CALD1: variants seen among roughly 807,000 people sequenced by gnomAD.
The protein encoded by CALD1 is caldesmon.
A neutral mutation model predicts 99.9 loss-of-function variants in CALD1; 33 were observed. The ratio of observed to expected loss-of-function variants is 0.33; its 90% CI spans 0.25 to 0.44. CALD1 has a LOEUF of 0.44. CALD1 is among the 20% of genes least tolerant of loss of function. CALD1 has a pLI of 1.00. For synonymous variants in CALD1, 310 were observed against 325.0 expected, an observed-to-expected ratio of 0.95 and a Z score of 0.50; for missense variants, 861 against 962.1, an observed-to-expected ratio of 0.89 and a Z score of 1.39.
intron 3 of CALD1, among the ~76,000 whole-genome samples, chr7:134,897,715 A>G (rs2132566403): frequency 6.6e-6 from 1 of 151,676 alleles, no homozygotes; most frequent in East Asian, 1.9e-4. Context: ...AATCTAACTA[A>G]TTTTGTTTTT....
chr7:134,881,006 T>C (rs147363612), intron 3 of CALD1, among the ~76,000 whole-genome samples: 8 of 152,274 alleles, frequency 5.3e-5, no homozygotes, highest in African/African-American at 1.9e-4. Context: ...TGATGTCTCA[T>C]TGTGGCATTG....
chr7:134,941,156 G>T lies in CALD1; in HGVS notation c.1451G>T (p.Arg484Leu), dbSNP rs200617975. The T allele has an allele frequency of 2.0e-4, 330 of 1,612,660 alleles. No individual in the cohort carries two copies. In the East Asian group the frequency reaches 7.0e-3, roughly 34 times the overall value. ...GAAGAAGTTAAGAGCTTCATGGATC[G>T]AAAGAAGGGATTTACAGAAGTTAAG... ...PKEEVKSFMD[R>L]KKGFTEVKSQ... Residue 484 changes from arginine to leucine, a missense_variant, in exon 7 of 15, where the codon CGA becomes CTA. By Grantham distance (102) the Arg-to-Leu change is moderately radical. Coordinates refer to ENST00000361675, the MANE Select transcript of CALD1 (RefSeq NM_033138.4).
chr7:134,771,317 C>T (rs993722417), intron 1 of CALD1, among the ~76,000 whole-genome samples: 1 of 152,172 alleles, frequency 6.6e-6, no homozygotes, highest in African/African-American at 2.4e-5. Flanking sequence ...TGAAATATGT[C>T]TAATATGATT....
At chr7:134,758,705 T>G (rs1231239901) in intron 1 of CALD1, among the ~76,000 whole-genome samples, 1 of 151,746 alleles carries the variant, frequency 6.6e-6, no homozygotes, top group Non-Finnish European at 1.5e-5. Context: ...TTAAGTAACA[T>G]TTACTTATTA....
At chr7:134,780,209 A>G (rs2131668568) in intron 1 of CALD1, among the ~76,000 whole-genome samples, 1 of 152,320 alleles carries the variant, frequency 6.6e-6, no homozygotes, top group African/African-American at 2.4e-5. Flanking sequence ...GCCAAAAGGG[A>G]ATGATTTTTT....
chr7:134,919,754 C>A (rs139508889), intron 3 of CALD1, among the ~76,000 whole-genome samples: 1 of 152,162 alleles, frequency 6.6e-6, no homozygotes, highest in Non-Finnish European at 1.5e-5. Flanking sequence ...AACACTGATA[C>A]AGCAATGAAC....
chr7:134,875,157 C>T (rs1351865571), intron 3 of CALD1, among the ~76,000 whole-genome samples: 1 of 152,184 alleles, frequency 6.6e-6, no homozygotes, highest in Non-Finnish European at 1.5e-5. Flanking sequence ...ACTGATCACT[C>T]CAGGGGACAA....
At chr7:134,929,621 C>CACACACATATACACACACACGT in intron 4 of CALD1, among the ~76,000 whole-genome samples, 235 of 4,264 alleles carry the variant, frequency 0.055, 45 homozygotes, top group South Asian at 0.11. Context: ...TGTATATATA[C>CACACACATATACACACACACGT]GTGTGTGTGT....
In CALD1 at chr7:134,923,393, C is replaced by G. The variant is rs562142826; in HGVS notation, c.72-5361C>G. ...CAATAAAATGCATTTGATTTAAACT[C>G]TATTAAACAAAATTCAATAATTCTC... On this transcript the variant is annotated intron_variant, in intron 3 of 14. Coordinates refer to ENST00000361675, the MANE Select transcript of CALD1 (RefSeq NM_033138.4). Among the ~76,000 whole-genome samples the G allele has an allele frequency of 1.4e-4, 21 of 152,302 alleles. No individual in the cohort carries two copies. In the East Asian group the frequency reaches 3.7e-3, roughly 27 times the overall value.
chr7:134,853,958 C>A (rs991906679), intron 2 of CALD1, among the ~76,000 whole-genome samples: 2 of 142,872 alleles, frequency 1.4e-5, no homozygotes, highest in African/African-American at 5.2e-5. Flanking sequence ...TGAGAACATG[C>A]GGTGTTTGGT....
At chr7:134,738,598 C>T in the CALD1 span, among the ~76,000 whole-genome samples, 2 of 152,218 alleles carry the variant, frequency 1.3e-5, no homozygotes, top group Admixed American at 1.3e-4. Flanking sequence ...TTTGATTGTT[C>T]GCTGTTGAAA....
chr7:134,960,050 A>C lies in CALD1; in HGVS notation c.2138A>C (p.Lys713Thr). The C allele has an allele frequency of 6.2e-7, 1 of 1,614,182 alleles. No homozygotes were observed. The highest frequency in any genetic ancestry group is 8.5e-7 in the Non-Finnish European group (1 of 1,180,010). ...CCTGCTGAAGGTGTACGCAACATCA[A>C]GAGTATGTGGGAGAAAGGGAATGTG... is the stretch of plus-strand genomic sequence containing the variant. The part of the protein sequence containing the change: ...PVPAEGVRNI[K>T]SMWEKGNVFS... The change falls in exon 12 of 15, where the codon AAG becomes ACG. Residue 713 changes from lysine (K) to threonine (T), a missense_variant. By Grantham distance (78) the Lys-to-Thr change is moderately conservative. Around this residue, in one of 5 missense-constraint regions of CALD1, gnomAD observed 190 missense variants for 249.0 expected, o/e 0.76. Coordinates refer to ENST00000361675, the MANE Select transcript of CALD1 (RefSeq NM_033138.4).
intron 3 of CALD1, among the ~76,000 whole-genome samples, chr7:134,923,016 G>C (rs530814666): frequency 6.6e-6 from 1 of 152,060 alleles, no homozygotes; most frequent in Non-Finnish European, 1.5e-5. Flanking sequence ...CATGCTACTC[G>C]TACAATCAAA....
chr7:134,720,781 A>G, the CALD1 span, among the ~76,000 whole-genome samples: 1 of 152,190 alleles, frequency 6.6e-6, no homozygotes, highest in African/African-American at 2.4e-5. Flanking sequence ...AGCAGACAAG[A>G]AATGTCAGAT....
upstream of CALD1, among the ~76,000 whole-genome samples, chr7:134,776,373 C>T (rs761322655): frequency 5.9e-5 from 9 of 151,956 alleles, no homozygotes; most frequent in Non-Finnish European, 1.3e-4. Flanking sequence ...CCTATTGAGA[C>T]GATCTTTCTC....
At chr7:134,801,325 A>T (rs1289683974) in intron 1 of CALD1, among the ~76,000 whole-genome samples, 1 of 151,278 alleles carries the variant, frequency 6.6e-6, no homozygotes, top group Non-Finnish European at 1.5e-5. Flanking sequence ...TGACAAATTC[A>T]TTTTTTTTTA....
At chr7:134,835,055 A>G (rs1799378645) in intron 1 of CALD1, among the ~76,000 whole-genome samples, 1 of 152,224 alleles carries the variant, frequency 6.6e-6, no homozygotes, top group Non-Finnish European at 1.5e-5. Flanking sequence ...TATCTAATCT[A>G]TGGGCTTGCA....
At chr7:134,880,880 T>C (rs1801567936) in intron 3 of CALD1, among the ~76,000 whole-genome samples, 2 of 152,208 alleles carry the variant, frequency 1.3e-5, no homozygotes, top group African/African-American at 4.8e-5. Context: ...TTATCATTGC[T>C]ACAGATGCTC....
intron 3 of CALD1, among the ~76,000 whole-genome samples, chr7:134,897,518 T>G (rs561535877): frequency 1.3e-5 from 2 of 152,116 alleles, no homozygotes; most frequent in Non-Finnish European, 2.9e-5. Flanking sequence ...CTAAATAGAT[T>G]TCAGAAGCTG....
Sources: gnomAD v4.1 joint callset for allele counts (sites outside exome capture counted in the v4.1 genomes callset) on GRCh38, gnomAD v4.1.1 for gene constraint, gnomAD v4.1.1 regional missense constraint, MANE v1.5 for transcripts, NCBI Gene and HGNC (gene_info 2026-07-23, HGNC 2026-07-21) for gene names.